Variants in PATE1 observed in about 807,000 individuals in gnomAD.
The protein encoded by PATE1 is prostate and testis expressed protein 1.
A neutral mutation model predicts 13.1 loss-of-function variants in PATE1; 21 were observed. The ratio of observed to expected loss-of-function variants is 1.61; its 90% confidence interval spans 1.14 to 2.31. PATE1 has a LOEUF of 2.31. PATE1 is among the 30% of genes most tolerant of loss of function. PATE1 has a pLI of 0.00. For missense variants in PATE1, 166 were observed against 147.2 expected (o/e 1.13, Z -0.66); for synonymous variants, 52 against 47.1 (o/e 1.10, Z -0.43).
At position 125,746,368 on chromosome 11, in the gene PATE1, G is replaced by A. The variant is rs767126867; in HGVS notation, c.52+12G>A. On this transcript the variant is annotated intron_variant, in intron 1 of 4. Coordinates refer to ENST00000305738, the MANE Select transcript of PATE1 (RefSeq NM_138294.3). ...CTGCTGCTTTAGGGGTGAGTCCCTAGGGTTGACAGCTGGTAAGAGTCCTGA... is the reference window on the plus strand; with the variant it reads ...CTGCTGCTTTAGGGGTGAGTCCCTAAGGTTGACAGCTGGTAAGAGTCCTGA... The A allele has an allele frequency of 6.2e-7, 1 of 1,613,138 alleles. No individual in the cohort carries two copies.
rs567139469 is a variant in PATE1, at chr11:125,746,836, G to A, written c.88+140G>A. On this transcript the variant is annotated intron_variant, in intron 2 of 4. Coordinates refer to ENST00000305738, the MANE Select transcript of PATE1 (RefSeq NM_138294.3). The stretch of plus-strand genomic sequence containing the variant: ...TTCCAACACGCAACAACCTCTTCCA[G>A]CAGGACAGAGCTGGCATGGGAGCTG... The A allele has an allele frequency of 1.0e-4, 83 of 829,376 alleles. 1 individual carries two copies. The highest frequency in any genetic ancestry group is 1.6e-4 in the Non-Finnish European group (79 of 496,708). The allele number at this position is 829,376 out of a possible 1,614,324, so 51.4% of individuals were successfully genotyped here. A position where few individuals can be genotyped will look rare whatever the true frequency, so the allele number is the denominator to read the frequency against.
In PATE1 at chr11:125,749,332, G is replaced by A. The variant is rs568195; in HGVS notation, c.*599G>A. ...AAACATGAACAGAGAAAGATTGTCTGCCTTCTAGAATCAGATCTGTTTGGG... is the reference window on the plus strand; with the variant it reads ...AAACATGAACAGAGAAAGATTGTCTACCTTCTAGAATCAGATCTGTTTGGG... On this transcript the variant is annotated 3_prime_UTR_variant, in exon 5 of 5. Transcript: ENST00000305738. 127,161 of 152,152 alleles carry A rather than the reference G, an allele frequency of 0.84. 53,385 individuals are homozygous for A. Among genetic ancestry groups the A allele is most frequent in the African/African-American group, 0.9 (37,512 of 41,496 alleles). 9.4% of individuals were successfully genotyped at this position (152,152 alleles called of 1,614,324 possible). A position where few individuals can be genotyped will look rare whatever the true frequency, so the allele number is the denominator to read the frequency against.
rs1943276410 is a variant in PATE1, at chr11:125,746,820, GCAA to G, written c.88+129_88+131del. The G allele has an allele frequency of 1.8e-5, 17 of 936,798 alleles. No individual in the cohort carries two copies. The South Asian group carries it at 2.4e-4, about 13-fold the overall frequency. The allele number at this position is 936,798 out of a possible 1,614,324, so 58.0% of individuals were successfully genotyped here. A position where few individuals can be genotyped will look rare whatever the true frequency, so the allele number is the denominator to read the frequency against. ...ACGAATAGACCTTGAGTTCCAACAC[GCAA>G]CAACCTCTTCCAGCAGGACAGAGCT... is the stretch of plus-strand genomic sequence containing the variant. On this transcript the variant is annotated intron_variant, in intron 2 of 4. Transcript: ENST00000305738.
At position 125,747,397 on chromosome 11, in the gene PATE1, A is replaced by C. The variant is rs1185572873; in HGVS notation, c.110A>C (p.Lys37Thr). Residue 37 changes from lysine (K) to threonine (T), a missense_variant, in exon 3 of 5, where the codon AAA becomes ACA. Physicochemically the swap from Lys to Thr is moderately conservative, Grantham distance 78 (BLOSUM62 -1). Transcript: ENST00000305738. ...NDAVNEIVAV[K>T]NNFPVIEIVQ... is the part of the protein sequence containing the mutation. ...ACAGTCAATGAAATAGTTGCTGTGA[A>C]AAACAATTTTCCTGGTAAGTATGAA... The C allele has an allele frequency of 6.2e-7, 1 of 1,612,538 alleles. No individual in the cohort carries two copies. Among genetic ancestry groups the C allele is most frequent in the Non-Finnish European group, 8.5e-7 (1 of 1,179,512 alleles).
intron 1 of PATE1, 152 bp from the exon 2 acceptor site, chr11:125,746,509 G>C: frequency 7.8e-7 from 1 of 1,278,872 alleles, no homozygotes; most frequent in Non-Finnish European, 1.1e-6. Flanking sequence ...GGTATGTCAT[G>C]TCCCCAGGAC....
Position 125,748,753 on chromosome 11 carries a change from G to A in PATE1, c.*20G>A, listed in dbSNP as rs1397633869. On this transcript the variant is annotated 3_prime_UTR_variant, in exon 5 of 5. Coordinates refer to ENST00000305738, the MANE Select transcript of PATE1 (RefSeq NM_138294.3). Reference sequence around the variant, plus strand: ...CTTTAGAAGTTAATGGTTCTTCTGTGACTCCAATTTCTGGGTGAGGTTGTT... The same window carrying A: ...CTTTAGAAGTTAATGGTTCTTCTGTAACTCCAATTTCTGGGTGAGGTTGTT... 1 of 1,607,612 alleles carries A rather than the reference G, an allele frequency of 6.2e-7. No homozygotes were observed. The highest frequency in any genetic ancestry group is 8.5e-7 in the Non-Finnish European group (1 of 1,177,704).
Position 125,747,683 on chromosome 11 carries a change from C to T in PATE1, c.125-17C>T, listed in dbSNP as rs1288159148. 1.2e-6 allele frequency: 2 copies of T among 1,612,162 alleles called. No homozygotes were observed. The highest frequency in any genetic ancestry group is 4.5e-5 in the East Asian group (2 of 44,882). The stretch of plus-strand genomic sequence containing the variant: ...TGCCATCTTTTCTCACTTCTCTTTC[C>T]CCTCTCTCTGGCCAAGTGATAGAAA... On this transcript the variant is annotated splice_polypyrimidine_tract_variant and intron_variant, in intron 3 of 4. Transcript: ENST00000305738.
chr11:125,747,621 T>C lies in PATE1; in HGVS notation c.125-79T>C, dbSNP rs1164800408. 6 of 1,586,910 alleles carry C rather than the reference T, an allele frequency of 3.8e-6. No individual in the cohort carries two copies. In the Admixed American group the frequency reaches 8.4e-5, roughly 22 times the overall value. On this transcript the variant is annotated intron_variant, in intron 3 of 4. Coordinates refer to ENST00000305738, the MANE Select transcript of PATE1 (RefSeq NM_138294.3). Reference sequence around the variant, plus strand: ...AAAGCCCTGTGGCTCTAGGCAGACTTCTAACCCAAAAGGGGAGAGGGGTTC... The same window carrying C: ...AAAGCCCTGTGGCTCTAGGCAGACTCCTAACCCAAAAGGGGAGAGGGGTTC...
intron 1 of PATE1, 149 bp downstream of exon 1, chr11:125,746,505 T>C (rs1943272997): frequency 3.1e-6 from 4 of 1,278,016 alleles, no homozygotes; most frequent in Admixed American, 1.8e-5. Context: ...CAGGGGTATG[T>C]CATGTCCCCA....
At position 125,748,580 on chromosome 11, in the gene PATE1, G is replaced by C; in HGVS notation, c.248-20G>C. ...CTTTCATGGCCAGGCTTCCTGATCT[G>C]TTTTTTCTCCCCTCCACAGGGGATG... On this transcript the variant is annotated intron_variant, in intron 4 of 4. Coordinates refer to ENST00000305738, the MANE Select transcript of PATE1 (RefSeq NM_138294.3). 6.2e-7 allele frequency: 1 copy of C among 1,608,602 alleles called. No homozygotes were observed. The highest frequency in any genetic ancestry group is 8.5e-7 in the Non-Finnish European group (1 of 1,178,424).
At chr11:125,748,514 C>CTATA (rs1386804959) in intron 4 of PATE1, 86 bp from the exon 5 acceptor site, 2 of 1,443,426 alleles carry the variant, frequency 1.4e-6, no homozygotes, top group Non-Finnish European at 1.9e-6. Flanking sequence ...AAGATTATTT[C>CTATA]TATATGTTGG....
intron 4 of PATE1, 109 bp downstream of exon 4, chr11:125,747,931 A>C: frequency 2.4e-4 from 353 of 1,471,646 alleles, no homozygotes; most frequent in Non-Finnish European, 3.0e-4. Context: ...AGGCAGTCTC[A>C]TACCTGGGAT....
Position 125,749,016 on chromosome 11 carries a change from G to A in PATE1, c.*283G>A. ...CCCTTGTGCTTTCACTGTATAGCCAGTTCATTCAGAAAAGGAGGAAAGGGT... is the reference window on the plus strand; with the variant it reads ...CCCTTGTGCTTTCACTGTATAGCCAATTCATTCAGAAAAGGAGGAAAGGGT... On this transcript the variant is annotated 3_prime_UTR_variant, in exon 5 of 5. Coordinates refer to ENST00000305738, the MANE Select transcript of PATE1 (RefSeq NM_138294.3). 3.5e-6 allele frequency: 1 copy of A among 285,568 alleles called. No homozygotes were observed. The highest frequency in any genetic ancestry group is 6.4e-6 in the Non-Finnish European group (1 of 155,464). 17.7% of individuals were successfully genotyped at this position (285,568 alleles called of 1,614,324 possible).
Position 125,749,511 on chromosome 11 carries a change from A to G in PATE1, c.*778A>G, listed in dbSNP as rs1326023156. On this transcript the variant is annotated 3_prime_UTR_variant, in exon 5 of 5. Coordinates refer to ENST00000305738, the MANE Select transcript of PATE1 (RefSeq NM_138294.3). ...CAGGAGACAGAGCCACCAGCAGCAA[A>G]ACAAATATTCCCATGCCTGGAGCAT... The G allele has an allele frequency of 6.6e-6, 1 of 152,282 alleles. No homozygotes were observed. 9.4% of individuals were successfully genotyped at this position (152,282 alleles called of 1,614,324 possible).
Position 125,748,849 on chromosome 11 carries a change from T to G in PATE1, c.*116T>G. The G allele has an allele frequency of 2.4e-6, 3 of 1,272,684 alleles. No homozygotes were observed. Among genetic ancestry groups the G allele is most frequent in the Non-Finnish European group, 3.2e-6 (3 of 933,750 alleles). 78.8% of individuals were successfully genotyped at this position (1,272,684 alleles called of 1,614,324 possible). A position where few individuals can be genotyped will look rare whatever the true frequency, so the allele number is the denominator to read the frequency against. ...ACACACACACACTACAGAAGAGGAT[T>G]GCAAACACATGGCTCCATCTTCTGC... is the stretch of plus-strand genomic sequence containing the variant. On this transcript the variant is annotated 3_prime_UTR_variant, in exon 5 of 5. Transcript: ENST00000305738.
intron 4 of PATE1, 192 bp downstream of exon 4, chr11:125,748,014 C>A: frequency 1.3e-6 from 1 of 740,892 alleles, no homozygotes; most frequent in Non-Finnish European, 2.1e-6. Context: ...AGGGTGGGGG[C>A]CTACAGCTAA....
chr11:125,746,994 G>A (rs1043136043), intron 2 of PATE1, among the ~76,000 whole-genome samples: 17 of 152,190 alleles, frequency 1.1e-4, no homozygotes, highest in African/African-American at 3.9e-4. Context: ...AATCTAAAGC[G>A]TGGCAACTTC....
In PATE1 at chr11:125,746,320, T is replaced by A; in HGVS notation, c.16T>A (p.Leu6Met). 6.2e-7 allele frequency: 1 copy of A among 1,613,950 alleles called. No individual in the cohort carries two copies. Among genetic ancestry groups the A allele is most frequent in the Non-Finnish European group, 8.5e-7 (1 of 1,179,862 alleles). MDKSL[L>M]LELPILLCCF... ...TCTTTCCAAAATGGACAAGTCCCTC[T>A]TGCTGGAACTCCCCATCCTGCTCTG... is the stretch of plus-strand genomic sequence containing the variant. The change falls in exon 1 of 5, where the codon TTG becomes ATG. Residue 6 changes from leucine (L) to methionine (M), a missense_variant. Coordinates refer to ENST00000305738, the MANE Select transcript of PATE1 (RefSeq NM_138294.3).
Position 125,748,805 on chromosome 11 carries a change from T to TAA in PATE1, c.*79_*80dup. On this transcript the variant is annotated 3_prime_UTR_variant, in exon 5 of 5. Transcript: ENST00000305738. Reference sequence around the variant, plus strand: ...CCTCAGCCTCTTCACAATGACTTTCTAAAAAAAATCACACACACACACACA... The same window carrying TAA: ...CCTCAGCCTCTTCACAATGACTTTCTAAAAAAAAAATCACACACACACACACA... 6.6e-7 allele frequency: 1 copy of TAA among 1,526,668 alleles called. No homozygotes were observed. The highest frequency in any genetic ancestry group is 8.8e-7 in the Non-Finnish European group (1 of 1,136,466). 94.6% of individuals were successfully genotyped at this position (1,526,668 alleles called of 1,614,324 possible). A position where few individuals can be genotyped will look rare whatever the true frequency, so the allele number is the denominator to read the frequency against.
Sources: allele counts gnomAD v4.1 joint callset (sites outside exome capture counted in the v4.1 genomes callset), GRCh38; gene constraint gnomAD v4.1.1; transcripts MANE v1.5; gene names NCBI Gene and HGNC (gene_info 2026-07-23, HGNC 2026-07-21).